The following OSTC variants were observed in gnomAD, a reference collection of about 807,000 sequenced individuals.
OSTC encodes oligosaccharyltransferase complex non-catalytic subunit.
A neutral mutation model predicts 16.4 loss-of-function variants in OSTC; 16 were observed. The ratio of observed to expected loss-of-function variants is 0.98; its 90% CI spans 0.66 to 1.49. OSTC has a LOEUF of 1.49. Among genes scored for constraint, OSTC ranks in the 40% most tolerant of loss-of-function variants. The probability of loss-of-function intolerance (pLI) is 0.00; values close to 1 mark genes in which losing one functional copy is unlikely to be tolerated. For synonymous variants in OSTC, 67 were observed against 68.5 expected (o/e 0.98, Z 0.11); for missense variants, 139 against 186.3 (o/e 0.75, Z 1.48).
chr4:108,656,911 A>G (rs1726720734), intron 2 of OSTC, among the ~76,000 whole-genome samples: 1 of 152,136 alleles, frequency 6.6e-6, no homozygotes, highest in Non-Finnish European at 1.5e-5. Flanking sequence ...TATCCTGGCT[A>G]ACCCGGTGAA....
intron 1 of OSTC, 40 bp downstream of exon 1, chr4:108,650,834 G>A (rs1726512687): frequency 2.5e-6 from 4 of 1,612,932 alleles, no homozygotes; most frequent in East Asian, 4.5e-5. Context: ...GAGGAGCGGA[G>A]AACTGACCCG....
intron 3 of OSTC, among the ~76,000 whole-genome samples, chr4:108,658,787 C>G (rs915428091): frequency 3.3e-5 from 5 of 151,974 alleles, no homozygotes; most frequent in Non-Finnish European, 5.9e-5. Flanking sequence ...TTCACTTGTT[C>G]TGTGACTTAA....
chr4:108,655,505 T>C (rs1353772139), intron 1 of OSTC, 59 bp from the exon 2 acceptor site: 4 of 1,078,518 alleles, frequency 3.7e-6, no homozygotes, highest in Non-Finnish European at 5.5e-6. Context: ...ATGAAAACTA[T>C]AATCCTGTTT....
intron 1 of OSTC, among the ~76,000 whole-genome samples, chr4:108,654,976 TA>T (rs958981037): frequency 1.2e-4 from 18 of 152,362 alleles, no homozygotes; most frequent in African/African-American, 4.1e-4. Context: ...CCCTTTATAC[TA>T]AAGTCATTCC....
At chr4:108,664,021 A>AT (rs1210807856) in intron 3 of OSTC, among the ~76,000 whole-genome samples, 1 of 152,204 alleles carries the variant, frequency 6.6e-6, no homozygotes, top group Non-Finnish European at 1.5e-5. Context: ...TTGAGTATAT[A>AT]TTATAGTAAG....
intron 3 of OSTC, among the ~76,000 whole-genome samples, chr4:108,658,079 G>A (rs1449717367): frequency 6.6e-6 from 1 of 151,832 alleles, no homozygotes; most frequent in Non-Finnish European, 1.5e-5. Flanking sequence ...TTACAGGCAT[G>A]CACCACAGCA....
intron 3 of OSTC, among the ~76,000 whole-genome samples, chr4:108,664,089 C>T (rs1726933369): frequency 6.7e-6 from 1 of 149,980 alleles, no homozygotes; most frequent in South Asian, 2.1e-4. Flanking sequence ...TGTATTTGTT[C>T]TTCTTTTCTT....
intron 3 of OSTC, 130 bp from the exon 4 acceptor site, chr4:108,667,117 C>T (rs979319329): frequency 2.2e-5 from 15 of 668,130 alleles, no homozygotes; most frequent in South Asian, 5.0e-5. Context: ...TAAAGAATCA[C>T]GCAATTATAT....
intron 3 of OSTC, among the ~76,000 whole-genome samples, chr4:108,665,850 G>A (rs918239516): frequency 2.6e-5 from 4 of 151,962 alleles, no homozygotes; most frequent in Non-Finnish European, 1.5e-5. Context: ...GAGCTACCAT[G>A]CCCAGCCCAA....
At chr4:108,659,766 C>T (rs2110385403) in intron 3 of OSTC, among the ~76,000 whole-genome samples, 1 of 151,710 alleles carries the variant, frequency 6.6e-6, no homozygotes, top group South Asian at 2.1e-4. Context: ...AAGACTCCAT[C>T]TCAAAAAAAA....
chr4:108,657,360 T>C, intron 2 of OSTC, 90 bp from the exon 3 acceptor site: 5 of 1,139,068 alleles, frequency 4.4e-6, no homozygotes, highest in Non-Finnish European at 6.3e-6. Context: ...AGCACAAAAA[T>C]GTTTTGGCAC....
At chr4:108,659,103 C>CTCAGCCTCCT (rs1380870407) in intron 3 of OSTC, among the ~76,000 whole-genome samples, 3 of 151,670 alleles carry the variant, frequency 2.0e-5, no homozygotes, top group Non-Finnish European at 4.4e-5. Context: ...CTCAGCCTCC[C>CTCAGCCTCCT]AAGTAGCTGG....
At chr4:108,664,487 G>A (rs1395009283) in intron 3 of OSTC, among the ~76,000 whole-genome samples, 1 of 148,114 alleles carries the variant, frequency 6.8e-6, no homozygotes, top group African/African-American at 2.5e-5. Context: ...TTCTTGTGAA[G>A]CTTATGTTTT....
chr4:108,658,849 T>C (rs939595331), intron 3 of OSTC, among the ~76,000 whole-genome samples: 1 of 152,062 alleles, frequency 6.6e-6, no homozygotes, highest in East Asian at 1.9e-4. Context: ...AAGTACATGA[T>C]GATCCCACAA....
At chr4:108,653,607 T>A (rs1447127209) in intron 1 of OSTC, among the ~76,000 whole-genome samples, 1 of 152,180 alleles carries the variant, frequency 6.6e-6, no homozygotes, top group Non-Finnish European at 1.5e-5. Flanking sequence ...TGGTTTGAGC[T>A]CCTGAATAGA....
chr4:108,656,370 G>A (rs1726701597), intron 2 of OSTC, among the ~76,000 whole-genome samples: 1 of 151,730 alleles, frequency 6.6e-6, no homozygotes, highest in African/African-American at 2.4e-5. Context: ...ACAGGTTGAT[G>A]GTAGGGTGGC....
At position 108,657,663 on chromosome 4, in the gene OSTC, A is replaced by G. The variant is rs377181428; in HGVS notation, c.431+16A>G. On this transcript the variant is annotated intron_variant, in intron 3 of 3. Transcript: ENST00000361564. Reference sequence around the variant, plus strand: ...TGAAACTGCCGTAAGTTATTTGTGTAATCAGCACCTTATGTTGCAAATTGG... The same window carrying G: ...TGAAACTGCCGTAAGTTATTTGTGTGATCAGCACCTTATGTTGCAAATTGG... 1.3e-5 allele frequency: 20 copies of G among 1,590,306 alleles called. 1 individual carries two copies. In the Middle Eastern group the frequency reaches 1.0e-3, roughly 79 times the overall value.
chr4:108,658,536 A>T (rs1726771101), intron 3 of OSTC, among the ~76,000 whole-genome samples: 1 of 152,130 alleles, frequency 6.6e-6, no homozygotes, highest in South Asian at 2.1e-4. Flanking sequence ...CGTTTATGGC[A>T]TCTTTCATAA....
chr4:108,655,466 C>CAAAAAA (rs55703323), intron 1 of OSTC, 98 bp from the exon 2 acceptor site: 38,727 of 619,754 alleles, frequency 0.062, no homozygotes, highest in East Asian at 0.12. Flanking sequence ...GACTCTGTCT[C>CAAAAAA]AAAAAAAGTA....
Sources: allele counts gnomAD v4.1 joint callset (sites outside exome capture counted in the v4.1 genomes callset), GRCh38; gene constraint gnomAD v4.1.1; transcripts MANE v1.5; gene names NCBI Gene and HGNC (gene_info 2026-07-23, HGNC 2026-07-21).